MERTK: variants seen among roughly 807,000 people sequenced by gnomAD.
MERTK encodes the protein MER proto-oncogene, tyrosine kinase, also known as tyrosine-protein kinase Mer.
MERTK carries 69 observed loss-of-function variants against 99.3 expected under a neutral mutation model. The ratio of observed to expected loss-of-function variants is 0.70; its 90% CI spans 0.57 to 0.85. The LOEUF (loss-of-function observed/expected upper bound fraction) is 0.85. MERTK is among the 40% of genes least tolerant of loss of function. The pLI, the probability that MERTK is intolerant of heterozygous loss-of-function variation, is 0.00. For synonymous variants in MERTK, 426 were observed against 467.6 expected (o/e 0.91, Z 1.15); for missense variants, 1,125 against 1,249.4 (o/e 0.90, Z 1.50).
intron 1 of MERTK, among the ~76,000 whole-genome samples, chr2:111,900,822 G>C (rs181089364): frequency 1.3e-5 from 2 of 152,152 alleles, no homozygotes; most frequent in Admixed American, 6.5e-5. Context: ...AAGGAGTGCT[G>C]TATGAAGAAA....
intron 4 of MERTK, among the ~76,000 whole-genome samples, chr2:111,949,800 T>A (rs2104706750): frequency 6.6e-6 from 1 of 152,326 alleles, no homozygotes; most frequent in Non-Finnish European, 1.5e-5. Context: ...TAGAATAATT[T>A]TGCCTGTTCT....
chr2:111,910,591 A>AGT (rs139430156), intron 1 of MERTK, among the ~76,000 whole-genome samples: 1,823 of 141,218 alleles, frequency 0.013, 27 homozygotes, highest in African/African-American at 0.032. Flanking sequence ...TTAAAAAAAA[A>AGT]GTGTGTGTGT....
rs148783937 is a variant in MERTK, at chr2:111,961,576, C to G, written c.758-3615C>G. ...CTGTGAAGTAGCAGTCAAATCCTCT[C>G]CATAATACCATGTTATTTTTGAAGA... On this transcript the variant is annotated intron_variant, in intron 4 of 18. Transcript: ENST00000295408. 6.5e-3 allele frequency among the ~76,000 whole-genome samples: 983 copies of G among 152,266 alleles called. 13 individuals carry two copies. Among genetic ancestry groups the G allele is most frequent in the African/African-American group, 0.023 (947 of 41,528 alleles).
chr2:111,972,568 C>T (rs757401882), intron 6 of MERTK, among the ~76,000 whole-genome samples: 8 of 152,152 alleles, frequency 5.3e-5, no homozygotes, highest in Non-Finnish European at 7.3e-5. Context: ...CCTGAGACAG[C>T]CAAAGTCCAG....
chr2:111,972,217 G>A (rs900095722), intron 6 of MERTK, among the ~76,000 whole-genome samples: 1 of 152,122 alleles, frequency 6.6e-6, no homozygotes, highest in Non-Finnish European at 1.5e-5. Flanking sequence ...TTTTAGTAGA[G>A]ATGTAGTTTC....
chr2:111,999,712 G>A (rs1019832064), intron 10 of MERTK, among the ~76,000 whole-genome samples: 1 of 152,174 alleles, frequency 6.6e-6, no homozygotes. Context: ...AGTGTCACAC[G>A]TGTCCATGTG....
At position 111,965,194 on chromosome 2, in the gene MERTK, T is replaced by C. The variant is rs1685336912; in HGVS notation, c.761T>C (p.Leu254Pro). The change falls in exon 5 of 19, where the codon CTG (leucine) becomes CCG (proline). Residue 254 changes from leucine (L) to proline (P), a missense_variant. By Grantham distance (98) the Leu-to-Pro change is moderately conservative (BLOSUM62 -3). Transcript: ENST00000295408. ...CATGAGTCTCCTTCCATTCCAGGCCTGACGGAGATGGCGGTCTTCAGTTGT... is the reference window on the plus strand; with the variant it reads ...CATGAGTCTCCTTCCATTCCAGGCCCGACGGAGATGGCGGTCTTCAGTTGT... ...KSPSVLTVPG[L>P]TEMAVFSCEA... 3 of 1,614,168 alleles carry C rather than the reference T, an allele frequency of 1.9e-6. No individual in the cohort carries two copies. The highest frequency in any genetic ancestry group is 2.5e-6 in the Non-Finnish European group (3 of 1,179,974).
At chr2:112,027,972 G>A (rs1027407746) in intron 18 of MERTK, among the ~76,000 whole-genome samples, 15 of 152,168 alleles carry the variant, frequency 9.9e-5, no homozygotes, top group Non-Finnish European at 1.8e-4. Context: ...CATAGATAAC[G>A]TGTAAACAAA....
chr2:111,977,394 T>G (rs779183661), intron 7 of MERTK, among the ~76,000 whole-genome samples: 1 of 152,208 alleles, frequency 6.6e-6, no homozygotes, highest in Non-Finnish European at 1.5e-5. Flanking sequence ...TGCTCCCCTA[T>G]CTTCTCGCTT....
At position 112,021,553 on chromosome 2, in the gene MERTK, A is replaced by T; in HGVS notation, c.2321A>T (p.Asp774Val). The T allele has an allele frequency of 6.6e-7, 1 of 1,522,278 alleles. No individual in the cohort carries two copies. Among genetic ancestry groups the T allele is most frequent in the African/African-American group, 1.6e-5 (1 of 61,034 alleles). The allele number at this position is 1,522,278 out of a possible 1,614,324, so 94.3% of individuals were successfully genotyped here. A position where few individuals can be genotyped will look rare whatever the true frequency, so the allele number is the denominator to read the frequency against. Residue 774 changes from aspartate (D) to valine (V), a missense_variant, in exon 17 of 19, where the codon GAC becomes GTC. Physicochemically the swap from Asp to Val is radical, Grantham distance 152 (BLOSUM62 -3). Transcript: ENST00000295408. ...TGGATCGCCATAGAAAGTCTTGCAG[A>T]CCGAGTCTACACAAGTAAAAGTGAT... ...VKWIAIESLA[D>V]RVYTSKSDVW... is the part of the protein sequence containing the mutation.
chr2:111,909,222 G>A (rs905685427), intron 1 of MERTK, among the ~76,000 whole-genome samples: 4 of 152,146 alleles, frequency 2.6e-5, no homozygotes, highest in African/African-American at 9.7e-5. Context: ...TCTCGGTAAC[G>A]CAGGCCTCTG....
chr2:111,914,948 G>C (rs1302026838), intron 1 of MERTK, among the ~76,000 whole-genome samples: 4 of 152,170 alleles, frequency 2.6e-5, no homozygotes, highest in African/African-American at 9.7e-5. Context: ...TTCTGAAGGA[G>C]ATTATGTGGA....
At chr2:111,992,742 C>T (rs956126814) in intron 8 of MERTK, among the ~76,000 whole-genome samples, 4 of 133,228 alleles carry the variant, frequency 3.0e-5, no homozygotes, top group African/African-American at 1.2e-4. Context: ...CAGAGCAAGA[C>T]TCCGTCTCAA....
chr2:111,914,678 G>A (rs764174436), intron 1 of MERTK, among the ~76,000 whole-genome samples: 10 of 152,084 alleles, frequency 6.6e-5, no homozygotes, highest in Non-Finnish European at 1.5e-4. Flanking sequence ...TTTTTAGTCT[G>A]TTAGTATGCT....
chr2:111,974,594 A>AC (rs1462181452), intron 6 of MERTK, among the ~76,000 whole-genome samples: 2 of 151,458 alleles, frequency 1.3e-5, no homozygotes, highest in Non-Finnish European at 2.9e-5. Flanking sequence ...ACATAGTGAA[A>AC]CCCCATCTCT....
At chr2:111,985,183 C>G (rs929955537) in intron 8 of MERTK, among the ~76,000 whole-genome samples, 1 of 152,184 alleles carries the variant, frequency 6.6e-6, no homozygotes, top group African/African-American at 2.4e-5. Flanking sequence ...GGCATGACTC[C>G]AGTCAAACCC....
At position 111,925,835 on chromosome 2, in the gene MERTK, ATT is replaced by A. The variant is rs11354849; in HGVS notation, c.62-3273_62-3272del. The stretch of plus-strand genomic sequence containing the variant: ...ACAGACTTTATTATTATTTTTTTTA[ATT>A]TTTTTTTTTTTCTGAGACAGAGTCT... On this transcript the variant is annotated intron_variant, in intron 1 of 18. Coordinates refer to ENST00000295408, the MANE Select transcript of MERTK (RefSeq NM_006343.3). 2.0e-3 allele frequency among the ~76,000 whole-genome samples: 295 copies of A among 145,750 alleles called. 1 individual carries two copies. The highest frequency in any genetic ancestry group is 5.0e-3 in the African/African-American group (196 of 39,498).
intron 5 of MERTK, among the ~76,000 whole-genome samples, chr2:111,967,729 T>C (rs935197957): frequency 6.6e-6 from 1 of 152,196 alleles, no homozygotes; most frequent in Non-Finnish European, 1.5e-5. Flanking sequence ...AACGTGGGTC[T>C]CCTATACCAG....
intron 1 of MERTK, among the ~76,000 whole-genome samples, chr2:111,908,912 A>C (rs1684190140): frequency 6.6e-6 from 1 of 152,242 alleles, no homozygotes; most frequent in African/African-American, 2.4e-5. Flanking sequence ...AGGTGACTGG[A>C]ACATCTCAAC....
Sources: allele counts gnomAD v4.1 joint callset (sites outside exome capture counted in the v4.1 genomes callset), GRCh38; gene constraint gnomAD v4.1.1; transcripts MANE v1.5; gene names NCBI Gene and HGNC (gene_info 2026-07-23, HGNC 2026-07-21).